PDS5A: variants seen among roughly 807,000 people sequenced by gnomAD.
PDS5A encodes the protein PDS5 cohesin associated factor A.
In PDS5A, 42 loss-of-function variants were observed where a neutral mutation model predicts 167.1. The ratio of observed to expected loss-of-function variants is 0.25; its 90% CI spans 0.20 to 0.33. The LOEUF (loss-of-function observed/expected upper bound fraction) is 0.33. Ranked by LOEUF, PDS5A falls within the 10% of genes least tolerant of loss-of-function variation. The probability of loss-of-function intolerance (pLI) is 1.00; values close to 1 mark genes in which losing one functional copy is unlikely to be tolerated. For synonymous variants in PDS5A, 553 were observed against 554.6 expected, an observed-to-expected ratio of 1.00 and a Z score of 0.04; for missense variants, 1,033 against 1,605.9, an observed-to-expected ratio of 0.64 and a Z score of 6.10.
At chr4:39,938,564 T>TAC (rs765607612) in intron 2 of PDS5A, among the ~76,000 whole-genome samples, 1 of 151,638 alleles carries the variant, frequency 6.6e-6, no homozygotes, top group African/African-American at 2.4e-5. Flanking sequence ...AAAAAATACA[T>TAC]ATATATATAT....
intron 19 of PDS5A, among the ~76,000 whole-genome samples, chr4:39,876,229 T>G (rs1560446677): frequency 6.6e-6 from 1 of 152,172 alleles, no homozygotes; most frequent in Non-Finnish European, 1.5e-5. Flanking sequence ...TGTATAAAAT[T>G]TATTATTTCT....
At chr4:39,918,399 C>CCAAGAGCG (rs1724603378) in intron 7 of PDS5A, among the ~76,000 whole-genome samples, 1 of 151,154 alleles carries the variant, frequency 6.6e-6, no homozygotes, top group African/African-American at 2.4e-5. Flanking sequence ...GTATACAAGG[C>CCAAGAGCG]CAAGAGCGCA....
intron 32 of PDS5A, among the ~76,000 whole-genome samples, chr4:39,834,602 G>GA (rs1290915108): frequency 6.6e-6 from 1 of 152,020 alleles, no homozygotes; most frequent in Non-Finnish European, 1.5e-5. Flanking sequence ...GGTCACTAAT[G>GA]AAAAAAAGAC....
intron 19 of PDS5A, 21 bp from the exon 20 acceptor site, chr4:39,874,433 G>GT (rs752316517): frequency 3.8e-3 from 5,727 of 1,517,828 alleles, no homozygotes; most frequent in Non-Finnish European, 4.1e-3. Flanking sequence ...TAATATAGTT[G>GT]TTTTTTTTTC....
chr4:39,877,280 A>T (rs1489616856), intron 18 of PDS5A, 127 bp from the exon 19 acceptor site: 3 of 524,020 alleles, frequency 5.7e-6, no homozygotes, highest in Admixed American at 3.7e-5. Context: ...CAGAATAGAG[A>T]TACATCTCCT....
At chr4:39,964,737 C>T (rs751032146) in intron 2 of PDS5A, among the ~76,000 whole-genome samples, 2 of 151,714 alleles carry the variant, frequency 1.3e-5, no homozygotes, top group African/African-American at 2.4e-5. Context: ...TGGCTCACAC[C>T]TATAATCCCA....
rs115246093 is a variant in PDS5A at position 39,856,216 on chromosome 4, A to G, written c.3086+6003T>C. The stretch of plus-strand genomic sequence containing the variant: ...CAAGTTCTAAAAAAACAAAAAACAA[A>G]AAAACCCCAACAACTCGTCAACCAA... On this transcript the variant is annotated intron_variant, in intron 26 of 32. Transcript: ENST00000303538. Among the ~76,000 whole-genome samples, 452 of 152,272 alleles carry G rather than the reference A, an allele frequency of 3.0e-3. 2 individuals are homozygous for G. The highest frequency in any genetic ancestry group is 0.011 in the African/African-American group (437 of 41,546).
intron 16 of PDS5A, among the ~76,000 whole-genome samples, chr4:39,893,488 A>G (rs958335432): frequency 1.3e-5 from 2 of 152,238 alleles, no homozygotes; most frequent in Non-Finnish European, 2.9e-5. Context: ...GAAGTGAGAT[A>G]TGAAAATAAG....
intron 2 of PDS5A, among the ~76,000 whole-genome samples, chr4:39,949,821 GAA>G (rs59869303): frequency 8.9e-5 from 6 of 67,186 alleles, no homozygotes; most frequent in Non-Finnish European, 1.3e-4. Flanking sequence ...CTCTGTCTCA[GAA>G]AAAAAAAAAA....
Position 39,873,094 on chromosome 4 carries a change from T to C in PDS5A, c.2328A>G (p.Pro776=), listed in dbSNP as rs370463708. 6 of 1,543,634 alleles carry C rather than the reference T, an allele frequency of 3.9e-6. No homozygotes were observed. Among genetic ancestry groups the C allele is most frequent in the African/African-American group, 2.7e-5 (2 of 74,198 alleles). The part of the protein sequence containing the change: ...NADVPEQLIT[P]LVSLGHISML... Reference sequence around the variant, plus strand: ...TAGAAATGTGGCCCAATGAAACTAATGGAGTTATAAGTTGTTCTGGCACAT... The same window carrying C: ...TAGAAATGTGGCCCAATGAAACTAACGGAGTTATAAGTTGTTCTGGCACAT... The change falls in exon 21 of 33, where the codon CCA becomes CCG. Residue 776 remains proline, a synonymous_variant. Transcript: ENST00000303538.
intron 11 of PDS5A, among the ~76,000 whole-genome samples, chr4:39,907,803 G>C (rs904241896): frequency 6.6e-6 from 1 of 152,048 alleles, no homozygotes; most frequent in Non-Finnish European, 1.5e-5. Flanking sequence ...AGCCAGGATG[G>C]TCTCGATCTC....
intron 11 of PDS5A, among the ~76,000 whole-genome samples, chr4:39,905,552 T>G (rs1454162336): frequency 6.6e-6 from 1 of 151,966 alleles, no homozygotes. Flanking sequence ...AGTGAGACTC[T>G]GTCTCAACAA....
intron 30 of PDS5A, among the ~76,000 whole-genome samples, chr4:39,843,516 A>G (rs190004041): frequency 5.6e-4 from 85 of 151,340 alleles, no homozygotes; most frequent in African/African-American, 2.0e-3. Flanking sequence ...GGCAGAGACT[A>G]GCCTGGCAAT....
chr4:39,897,960 G>T (rs1271174037), intron 16 of PDS5A: 12 of 806,262 alleles, frequency 1.5e-5, no homozygotes, highest in Non-Finnish European at 1.8e-5. Flanking sequence ...AGAGAAGAAT[G>T]AAGACAAAAG....
chr4:39,910,271 G>A lies in PDS5A; in HGVS notation c.1060C>T (p.His354Tyr), dbSNP rs1168097222. 1 of 1,583,620 alleles carries A rather than the reference G, an allele frequency of 6.3e-7. No individual in the cohort carries two copies. The highest frequency in any genetic ancestry group is 1.3e-5 in the African/African-American group (1 of 74,418). Reference sequence around the variant, plus strand: ...GTGAGATCCTTCGCTAAATCTGGGTGATTCATTAAACAATGACTGGCAAAT... The same window carrying A: ...GTGAGATCCTTCGCTAAATCTGGGTAATTCATTAAACAATGACTGGCAAAT... ...VKFASHCLMN[H>Y]PDLAKDLTEY... The change falls in exon 10 of 33, where the codon CAC becomes TAC. Residue 354 changes from histidine (H) to tyrosine (Y), a missense_variant. His to Tyr is a moderately conservative substitution (Grantham distance 83). Transcript: ENST00000303538.
chr4:39,869,497 G>A (rs751003522), intron 21 of PDS5A, 35 bp from the exon 22 acceptor site: 8 of 1,129,614 alleles, frequency 7.1e-6, no homozygotes, highest in South Asian at 2.8e-5. Flanking sequence ...CTATTAGCAT[G>A]AAAAAAAAAA....
rs1001473873 is a variant in PDS5A, at chr4:39,926,140, A to G, written c.430-207T>C. Among the ~76,000 whole-genome samples the G allele has an allele frequency of 1.8e-4, 27 of 152,256 alleles. 1 individual carries two copies. Among genetic ancestry groups the G allele is most frequent in the Admixed American group, 1.8e-3 (27 of 15,284 alleles). ...CATCAATTTTCTCAAACTGAAAAAT[A>G]CTCAATATTTTTAAGTTGGTAGATA... On this transcript the variant is annotated intron_variant, in intron 4 of 32. Transcript: ENST00000303538.
chr4:39,928,796 G>C (rs1725694740), intron 2 of PDS5A, among the ~76,000 whole-genome samples: 1 of 145,296 alleles, frequency 6.9e-6, no homozygotes, highest in South Asian at 2.2e-4. Flanking sequence ...CTGCAATCCA[G>C]ACTAGGCAAC....
chr4:39,850,816 T>A (rs561880455), intron 26 of PDS5A, among the ~76,000 whole-genome samples: 1 of 152,196 alleles, frequency 6.6e-6, no homozygotes, highest in African/African-American at 2.4e-5. Context: ...AGGCTGAACA[T>A]TAGAATTGTT....
Sources: allele counts gnomAD v4.1 joint callset (sites outside exome capture counted in the v4.1 genomes callset), GRCh38; gene constraint gnomAD v4.1.1; transcripts MANE v1.5; gene names NCBI Gene and HGNC (gene_info 2026-07-23, HGNC 2026-07-21).